The following EBF3 variants were observed in gnomAD, a reference collection of about 807,000 sequenced individuals.
EBF3 encodes the protein transcription factor COE3.
A neutral mutation model predicts 77.1 loss-of-function variants in EBF3; 18 were observed. The observed-to-expected ratio is 0.23, with a 90% CI of 0.16 to 0.35. The LOEUF (loss-of-function observed/expected upper bound fraction) is 0.35. Ranked by LOEUF, EBF3 falls within the 10% of genes least tolerant of loss-of-function variation. The pLI is 1.00. For missense variants in EBF3, 558 were observed against 860.0 expected, an observed-to-expected ratio of 0.65 and a Z score of 4.39; for synonymous variants, 350 against 343.5, an observed-to-expected ratio of 1.02 and a Z score of -0.21.
intron 6 of EBF3, among the ~76,000 whole-genome samples, chr10:129,888,159 C>T (rs1331582398): frequency 6.6e-6 from 1 of 152,222 alleles, no homozygotes; most frequent in African/African-American, 2.4e-5. Context: ...GAGCATGCGT[C>T]ACGCCCTCCG....
At chr10:129,917,277 A>G (rs906741920) in intron 6 of EBF3, among the ~76,000 whole-genome samples, 1 of 152,176 alleles carries the variant, frequency 6.6e-6, no homozygotes, top group African/African-American at 2.4e-5. Context: ...GCTGAGGCAG[A>G]AGAACCACTT....
intron 11 of EBF3, among the ~76,000 whole-genome samples, chr10:129,844,733 C>T (rs766553630): frequency 2.6e-5 from 4 of 152,022 alleles, no homozygotes; most frequent in Admixed American, 1.3e-4. Context: ...TTGGTGCCGA[C>T]GCTTGATGTT....
chr10:129,895,335 G>C (rs146162891), intron 6 of EBF3, among the ~76,000 whole-genome samples: 14 of 152,326 alleles, frequency 9.2e-5, no homozygotes, highest in African/African-American at 3.4e-4. Flanking sequence ...GGGAGTGGAC[G>C]GGGAAGGAGG....
At position 129,840,355 on chromosome 10, in the gene EBF3, G is replaced by T; in HGVS notation, c.1649C>A (p.Pro550His). ...SSTHGIFSFS[P>H]ANVISAVKQK... ...TTTCACTGCGGAGATGACATTGGCA[G>T]GTGAGAATGAGAAAATGCCGTGTGT... Residue 550 changes from proline to histidine, a missense_variant, in exon 15 of 17, where the codon CCT (proline) becomes CAT (histidine). By Grantham distance (77) the Pro-to-His change is moderately conservative (BLOSUM62 -2). Coordinates refer to ENST00000440978, the MANE Select transcript of EBF3 (RefSeq NM_001375380.1). 6.4e-7 allele frequency: 1 copy of T among 1,570,374 alleles called. No individual in the cohort carries two copies. The highest frequency in any genetic ancestry group is 8.6e-7 in the Non-Finnish European group (1 of 1,156,622).
chr10:129,955,667 A>G (rs1039215283), intron 6 of EBF3, among the ~76,000 whole-genome samples: 1 of 152,222 alleles, frequency 6.6e-6, no homozygotes, highest in African/African-American at 2.4e-5. Flanking sequence ...GCACAAATCC[A>G]AAGTGATTTT....
intron 6 of EBF3, among the ~76,000 whole-genome samples, chr10:129,921,307 A>G (rs759288789): frequency 6.6e-6 from 1 of 152,108 alleles, no homozygotes; most frequent in Admixed American, 6.5e-5. Context: ...TGTTAGCAGC[A>G]TCCTCAGTCT....
At chr10:129,846,244 C>A (rs538699200) in intron 11 of EBF3, among the ~76,000 whole-genome samples, 6 of 151,732 alleles carry the variant, frequency 4.0e-5, no homozygotes, top group Non-Finnish European at 8.8e-5. Flanking sequence ...AAGCCAACCC[C>A]CCTCTCTCAG....
chr10:129,839,018 G>A (rs1849816022), intron 16 of EBF3, 65 bp downstream of exon 16: 3 of 1,287,340 alleles, frequency 2.3e-6, no homozygotes, highest in Non-Finnish European at 2.0e-6. Flanking sequence ...GGCACTTCGG[G>A]GGCCTGGGCG....
intron 7 of EBF3, 119 bp from the exon 8 acceptor site, chr10:129,873,715 G>A: frequency 2.7e-6 from 3 of 1,125,892 alleles, no homozygotes; most frequent in African/African-American, 1.6e-5. Flanking sequence ...CGTGTTCCTG[G>A]ACACTGTTGA....
At position 129,868,852 on chromosome 10, in the gene EBF3, T is replaced by C. The variant is rs189239338; in HGVS notation, c.782-940A>G. ...CTTTGATGGCCTCTTGTACATGGGC[T>C]CCCATGCAAAGGAGGGGTTGTTTGC... On this transcript the variant is annotated intron_variant, in intron 8 of 16. Coordinates refer to ENST00000440978, the MANE Select transcript of EBF3 (RefSeq NM_001375380.1). 2.0e-5 allele frequency among the ~76,000 whole-genome samples: 3 copies of C among 152,292 alleles called. No individual in the cohort carries two copies. The East Asian group carries it at 5.8e-4, about 29-fold the overall frequency.
rs1315266240 is a variant in EBF3 at position 129,963,584 on chromosome 10, C to A, written c.134+51G>T. On this transcript the variant is annotated intron_variant, in intron 1 of 16. Coordinates refer to ENST00000440978, the MANE Select transcript of EBF3 (RefSeq NM_001375380.1). The surrounding 1 kb of genome is among the most constrained non-coding windows in gnomAD (Gnocchi z 7.1). ...CGCGGCGCCGGCCGGCGGAGGGGGCCGGGCCGGGCCGGGGCCGGGGCCAGG... is the reference window on the plus strand; with the variant it reads ...CGCGGCGCCGGCCGGCGGAGGGGGCAGGGCCGGGCCGGGGCCGGGGCCAGG... 2 of 1,235,548 alleles carry A rather than the reference C, an allele frequency of 1.6e-6. No individual in the cohort carries two copies. The highest frequency in any genetic ancestry group is 2.0e-6 in the Non-Finnish European group (2 of 982,550). 76.5% of individuals were successfully genotyped at this position (1,235,548 alleles called of 1,614,324 possible). A position where few individuals can be genotyped will look rare whatever the true frequency, so the allele number is the denominator to read the frequency against.
intron 6 of EBF3, among the ~76,000 whole-genome samples, chr10:129,880,550 A>G (rs930178127): frequency 6.6e-6 from 1 of 151,980 alleles, no homozygotes; most frequent in African/African-American, 2.4e-5. Context: ...CCCTCTCTTT[A>G]TTTTCTATGT....
At chr10:129,926,589 G>A (rs1177624697) in intron 6 of EBF3, among the ~76,000 whole-genome samples, 2 of 152,198 alleles carry the variant, frequency 1.3e-5, no homozygotes, top group African/African-American at 4.8e-5. Context: ...ACAGCCTGTG[G>A]CCAAGTGGCC....
intron 8 of EBF3, among the ~76,000 whole-genome samples, chr10:129,871,962 T>C (rs2134100726): frequency 6.6e-6 from 1 of 152,328 alleles, no homozygotes; most frequent in Admixed American, 6.5e-5. Flanking sequence ...ATTAGTTGGG[T>C]TTTATCTCCA....
Position 129,964,102 on chromosome 10 carries a change from A to G in EBF3, c.-334T>C, listed in dbSNP as rs1859750202. 3 of 985,008 alleles carry G rather than the reference A, an allele frequency of 3.0e-6. No individual in the cohort carries two copies. 61.0% of individuals were successfully genotyped at this position (985,008 alleles called of 1,614,324 possible). A position where few individuals can be genotyped will look rare whatever the true frequency, so the allele number is the denominator to read the frequency against. ...CTAGCCAGGCGGCGTCCGCGGCTGC[A>G]GGACACTGCGGGATCGCCCGCTTCT... is the stretch of plus-strand genomic sequence containing the variant. On this transcript the variant is annotated 5_prime_UTR_variant, in exon 1 of 17. Coordinates refer to ENST00000440978, the MANE Select transcript of EBF3 (RefSeq NM_001375380.1). This position sits in a 1 kb window ranked among gnomAD's most constrained non-coding sequence, Gnocchi z 4.5.
chr10:129,957,388 A>ATTT (rs36101167), intron 5 of EBF3, 62 bp from the exon 6 acceptor site: 26,664 of 1,156,532 alleles, frequency 0.023, 82 homozygotes, highest in African/African-American at 0.036. Flanking sequence ...CCCGACTTGT[A>ATTT]TTTTTTTTTT....
chr10:129,915,592 G>C (rs755468665), intron 6 of EBF3, among the ~76,000 whole-genome samples: 2 of 152,126 alleles, frequency 1.3e-5, no homozygotes, highest in Non-Finnish European at 1.5e-5. Context: ...TGTAACGAGC[G>C]ACAGCCCAGA....
intron 6 of EBF3, among the ~76,000 whole-genome samples, chr10:129,942,095 A>T (rs1393456844): frequency 1.3e-5 from 2 of 152,058 alleles, no homozygotes; most frequent in Non-Finnish European, 2.9e-5. Context: ...CGCCTCACCC[A>T]CTCAGGGCAC....
chr10:129,902,164 C>T (rs748931015), intron 6 of EBF3, among the ~76,000 whole-genome samples: 27 of 152,046 alleles, frequency 1.8e-4, no homozygotes, highest in Non-Finnish European at 2.2e-4. Flanking sequence ...AGTTCCCCAC[C>T]ACAACGCAGC....
Sources: gnomAD v4.1 joint callset for allele counts (sites outside exome capture counted in the v4.1 genomes callset) on GRCh38, gnomAD v4.1.1 for gene constraint, Gnocchi (gnomAD v3.1) non-coding constraint, MANE v1.5 for transcripts, NCBI Gene and HGNC (gene_info 2026-07-23, HGNC 2026-07-21) for gene names.